The following OR2C3 variants were observed in gnomAD, a reference collection of about 807,000 sequenced individuals.
OR2C3 encodes olfactory receptor 2C3.
For synonymous variants in OR2C3, 178 were observed against 163.4 expected, an observed-to-expected ratio of 1.09 and a Z score of -0.68; for missense variants, 425 against 401.5, an observed-to-expected ratio of 1.06 and a Z score of -0.50.
At position 247,532,359 on chromosome 1, in the gene OR2C3, A is replaced by G. The variant is rs745756237; in HGVS notation, c.153T>C (p.His51=). Residue 51 remains histidine, a synonymous_variant, in exon 3 of 3, where the codon CAT becomes CAC. Transcript: ENST00000641802. ...LGNGIIILVS[H]TDVHLHTPMY... ...TAGGTGTGTGGAGGTGCACATCTGT[A>G]TGGGAGACCAGAATGATGATGCCAT... The G allele has an allele frequency of 1.2e-6, 2 of 1,614,032 alleles. No individual in the cohort carries two copies. Among genetic ancestry groups the G allele is most frequent in the South Asian group, 2.2e-5 (2 of 91,080 alleles).
chr1:247,531,648 T>G lies in OR2C3; in HGVS notation c.864A>C (p.Pro288=). The G allele has an allele frequency of 6.2e-7, 1 of 1,614,126 alleles. No homozygotes were observed. The highest frequency in any genetic ancestry group is 8.5e-7 in the Non-Finnish European group (1 of 1,180,028). ...FYTVVTPALN[P]LIYTLRNTEV... ...CCGTGTTCCTCAGGGTGTAAATAAG[T>G]GGGTTCAGCGCAGGAGTGACTACGG... Residue 288 remains proline, a synonymous_variant, in exon 3 of 3, where the codon CCA becomes CCC. Transcript: ENST00000641802.
chr1:247,533,850 G>C lies in OR2C3; in HGVS notation c.-373C>G, dbSNP rs1372391643. On this transcript the variant is annotated 5_prime_UTR_variant, in exon 2 of 3. Coordinates refer to ENST00000641802, the MANE Select transcript of OR2C3 (RefSeq NM_198074.6). ...GTCAGTTGATTTCTGTGAAATTTCA[G>C]AGGACAAAGGTGAAATTTTCCCTCA... 6.6e-6 allele frequency: 1 copy of C among 152,152 alleles called. No homozygotes were observed. Among genetic ancestry groups the C allele is most frequent in the Non-Finnish European group, 1.5e-5 (1 of 68,032 alleles). 9.4% of individuals were successfully genotyped at this position (152,152 alleles called of 1,614,324 possible).
Position 247,529,598 on chromosome 1 carries a change from T to C in OR2C3, c.*1951A>G, listed in dbSNP as rs1348920314. On this transcript the variant is annotated 3_prime_UTR_variant, in exon 3 of 3. Coordinates refer to ENST00000641802, the MANE Select transcript of OR2C3 (RefSeq NM_198074.6). ...GATGCATAATAATCCAGTTGAAGAA[T>C]GTTGCTTCACTTCACTGAAAGTTTG... 4 of 152,172 alleles carry C rather than the reference T, an allele frequency of 2.6e-5. No individual in the cohort carries two copies. Among genetic ancestry groups the C allele is most frequent in the African/African-American group, 9.7e-5 (4 of 41,434 alleles). The allele number at this position is 152,172 out of a possible 1,614,324, so 9.4% of individuals were successfully genotyped here.
In OR2C3 at chr1:247,529,675, CCA is replaced by C. The variant is rs1480740625; in HGVS notation, c.*1872_*1873del. The C allele has an allele frequency of 2.0e-5, 3 of 149,302 alleles. No homozygotes were observed. Among genetic ancestry groups the C allele is most frequent in the East Asian group, 2.0e-4 (1 of 5,104 alleles). 9.2% of individuals were successfully genotyped at this position (149,302 alleles called of 1,614,324 possible). ...TATCAACTTGGTTGGACTATGGTGC[CCA>C]GTTTTTGTTCAAACACAAGCCTCGG... On this transcript the variant is annotated 3_prime_UTR_variant, in exon 3 of 3. Transcript: ENST00000641802.
chr1:247,532,227 A>G lies in OR2C3; in HGVS notation c.285T>C (p.Tyr95=), dbSNP rs747171780. ...NLWGPQKTIS[Y]GGCVVQFYIS... is the part of the protein sequence containing the mutation. ...TATAGAACTGGACCACACACCCTCC[A>G]TAGCTTATGGTTTTCTGTGGTCCCC... The change falls in exon 3 of 3, where the codon TAT becomes TAC. Residue 95 remains tyrosine (Y), a synonymous_variant. Transcript: ENST00000641802. The G allele has an allele frequency of 1.2e-6, 2 of 1,614,196 alleles. No individual in the cohort carries two copies. Among genetic ancestry groups the G allele is most frequent in the Non-Finnish European group, 8.5e-7 (1 of 1,180,024 alleles).
chr1:247,527,278 G>T lies in OR2C3; in HGVS notation c.*4271C>A. ...AGTGCTGTCCTCATGGTTCTGGGAGGGTCTGCGTTGTCTGCTATCCCCACA... is the reference window on the plus strand; with the variant it reads ...AGTGCTGTCCTCATGGTTCTGGGAGTGTCTGCGTTGTCTGCTATCCCCACA... On this transcript the variant is annotated 3_prime_UTR_variant, in exon 3 of 3. Coordinates refer to ENST00000641802, the MANE Select transcript of OR2C3 (RefSeq NM_198074.6). The surrounding 1 kb of genome is among the most constrained non-coding windows in gnomAD (Gnocchi z 4.6). The T allele has an allele frequency of 3.1e-6, 1 of 321,108 alleles. No individual in the cohort carries two copies. Among genetic ancestry groups the T allele is most frequent in the East Asian group, 8.6e-5 (1 of 11,676 alleles). 19.9% of individuals were successfully genotyped at this position (321,108 alleles called of 1,614,324 possible).
intron 1 of OR2C3, among the ~76,000 whole-genome samples, chr1:247,534,765 T>C (rs1209982478): frequency 6.6e-6 from 1 of 152,166 alleles, no homozygotes; most frequent in Non-Finnish European, 1.5e-5. Flanking sequence ...TGGAAGTCAA[T>C]TAAACAAAAT....
chr1:247,532,268 G>A lies in OR2C3; in HGVS notation c.244C>T (p.Leu82Phe). The A allele has an allele frequency of 1.2e-6, 2 of 1,614,212 alleles. No individual in the cohort carries two copies. The change falls in exon 3 of 3, where the codon CTC becomes TTC. Residue 82 changes from leucine to phenylalanine, a missense_variant. Leu to Phe is a conservative substitution (Grantham distance 22, BLOSUM62 0). Transcript: ENST00000641802. ...MSFTTSIVPQ[L>F]LANLWGPQKT... Reference sequence around the variant, plus strand: ...TGTGGTCCCCAGAGGTTAGCCAGGAGCTGTGGGACAATGCTCGTGGTGAAG... The same window carrying A: ...TGTGGTCCCCAGAGGTTAGCCAGGAACTGTGGGACAATGCTCGTGGTGAAG...
Position 247,527,186 on chromosome 1 carries a change from G to A in OR2C3, c.*4363C>T, listed in dbSNP as rs1173913221. 2.4e-6 allele frequency: 1 copy of A among 410,792 alleles called. No homozygotes were observed. Among genetic ancestry groups the A allele is most frequent in the African/African-American group, 2.0e-5 (1 of 48,878 alleles). The allele number at this position is 410,792 out of a possible 1,614,324, so 25.4% of individuals were successfully genotyped here. On this transcript the variant is annotated 3_prime_UTR_variant, in exon 3 of 3. Coordinates refer to ENST00000641802, the MANE Select transcript of OR2C3 (RefSeq NM_198074.6). The surrounding 1 kb of genome is among the most constrained non-coding windows in gnomAD (Gnocchi z 4.6). ...GAGCATTTAAGGCAGTTGGAGGAGA[G>A]TGTGAGTTATGGTCATCATTCTCCT... is the stretch of plus-strand genomic sequence containing the variant.
rs986914125 is a variant in OR2C3, at chr1:247,530,390, G to A, written c.*1159C>T. The stretch of plus-strand genomic sequence containing the variant: ...TTAGATACACTGTATACATAGATAA[G>A]TAAAACAAAATGCACAATCATAAGA... On this transcript the variant is annotated 3_prime_UTR_variant, in exon 3 of 3. Transcript: ENST00000641802. 12 of 152,032 alleles carry A rather than the reference G, an allele frequency of 7.9e-5. No homozygotes were observed. Among genetic ancestry groups the A allele is most frequent in the East Asian group, 3.9e-4 (2 of 5,180 alleles). The allele number at this position is 152,032 out of a possible 1,614,324, so 9.4% of individuals were successfully genotyped here.
rs776246034 is a variant in OR2C3 at position 247,532,045 on chromosome 1, G to T, written c.467C>A (p.Thr156Asn). The change falls in exon 3 of 3, where the codon ACC (threonine) becomes AAC (asparagine). Residue 156 changes from threonine to asparagine, a missense_variant. By Grantham distance (65) the Thr-to-Asn change is moderately conservative. Transcript: ENST00000641802. ...ALASWLGGLT[T>N]SMVGSTLTML... ...GGTGAGCGTGGAGCCCACCATGCTGGTGGTCAGACCCCCCAGCCAGGAGGC... is the reference window on the plus strand; with the variant it reads ...GGTGAGCGTGGAGCCCACCATGCTGTTGGTCAGACCCCCCAGCCAGGAGGC... The T allele has an allele frequency of 6.2e-7, 1 of 1,614,096 alleles. No individual in the cohort carries two copies. Among genetic ancestry groups the T allele is most frequent in the South Asian group, 1.1e-5 (1 of 91,070 alleles).
In OR2C3 at chr1:247,531,572, C is replaced by T. The variant is rs1227626352; in HGVS notation, c.940G>A (p.Ala314Thr). ...HMVLENCCGSAGKLAQI is the reference protein window; with the variant it reads ...HMVLENCCGSTGKLAQI ...CTCTAAATTTGCGCCAGCTTGCCTG[C>T]AGAGCCACAGCAGTTCTCTAATACC... The change falls in exon 3 of 3, where the codon GCA becomes ACA. Residue 314 changes from alanine to threonine, a missense_variant. By Grantham distance (58) the Ala-to-Thr change is moderately conservative (BLOSUM62 0). Transcript: ENST00000641802. 2 of 1,613,784 alleles carry T rather than the reference C, an allele frequency of 1.2e-6. No individual in the cohort carries two copies. The highest frequency in any genetic ancestry group is 1.1e-5 in the South Asian group (1 of 91,068).
chr1:247,530,187 TAAAATC>T lies in OR2C3; in HGVS notation c.*1356_*1361del, dbSNP rs1666862734. 1 of 152,146 alleles carries T rather than the reference TAAAATC, an allele frequency of 6.6e-6. No individual in the cohort carries two copies. The highest frequency in any genetic ancestry group is 2.4e-5 in the African/African-American group (1 of 41,422). 9.4% of individuals were successfully genotyped at this position (152,146 alleles called of 1,614,324 possible). On this transcript the variant is annotated 3_prime_UTR_variant, in exon 3 of 3. Transcript: ENST00000641802. ...TTTCATATTATATACATATATATAA[TAAAATC>T]AAAAACAGGAACTGCCACATGGTTT...
Position 247,531,309 on chromosome 1 carries a change from C to G in OR2C3, c.*240G>C, listed in dbSNP as rs1213595600. On this transcript the variant is annotated 3_prime_UTR_variant, in exon 3 of 3. Transcript: ENST00000641802. ...GCAAGGAGTTTACAAAACAAGATGA[C>G]AGTCAACATGTGTATATATAGCAAA... 3 of 524,064 alleles carry G rather than the reference C, an allele frequency of 5.7e-6. No homozygotes were observed. In the East Asian group the frequency reaches 9.4e-5, roughly 16 times the overall value. The allele number at this position is 524,064 out of a possible 1,614,324, so 32.5% of individuals were successfully genotyped here.
In OR2C3 at chr1:247,529,852, C is replaced by A. The variant is rs1022508127; in HGVS notation, c.*1697G>T. On this transcript the variant is annotated 3_prime_UTR_variant, in exon 3 of 3. Coordinates refer to ENST00000641802, the MANE Select transcript of OR2C3 (RefSeq NM_198074.6). ...TGAAAGCCTTAAGAGAAAAGACTGA[C>A]CTGCTTCCAAAAAGAGGGAATTTTG... is the stretch of plus-strand genomic sequence containing the variant. 6.6e-6 allele frequency: 1 copy of A among 151,130 alleles called. No individual in the cohort carries two copies. The highest frequency in any genetic ancestry group is 2.4e-5 in the African/African-American group (1 of 41,018). 9.4% of individuals were successfully genotyped at this position (151,130 alleles called of 1,614,324 possible).
Position 247,531,787 on chromosome 1 carries a change from C to A in OR2C3, c.725G>T (p.Cys242Phe). The A allele has an allele frequency of 6.2e-7, 1 of 1,614,184 alleles. No homozygotes were observed. Among genetic ancestry groups the A allele is most frequent in the East Asian group, 2.2e-5 (1 of 44,884 alleles). Residue 242 changes from cysteine to phenylalanine, a missense_variant, in exon 3 of 3, where the codon TGT (cysteine) becomes TTT (phenylalanine). Transcript: ENST00000641802. ...AEGRRKAFNTCSSHVAVVSLF... is the reference protein window; with the variant it reads ...AEGRRKAFNTFSSHVAVVSLF... ...AGACACCACAGCCACGTGGGAAGAA[C>A]AGGTGTTGAATGCCTTTCTCCGCCC...
Position 247,536,351 on chromosome 1 carries a change from C to G in OR2C3, c.-585G>C, listed in dbSNP as rs1193992772. On this transcript the variant is annotated 5_prime_UTR_variant, in exon 1 of 3. Coordinates refer to ENST00000641802, the MANE Select transcript of OR2C3 (RefSeq NM_198074.6). ...GTGGAAATCTCTAAGTCGGTGGTAG[C>G]AGACGTGTTAGATTCTGTTCAAATT... 6.6e-6 allele frequency: 1 copy of G among 152,148 alleles called. No individual in the cohort carries two copies. Among genetic ancestry groups the G allele is most frequent in the African/African-American group, 2.4e-5 (1 of 41,420 alleles). The allele number at this position is 152,148 out of a possible 1,614,324, so 9.4% of individuals were successfully genotyped here. A position where few individuals can be genotyped will look rare whatever the true frequency, so the allele number is the denominator to read the frequency against.
intron 2 of OR2C3, 59 bp downstream of exon 2, chr1:247,533,448 C>CT (rs1207823297): frequency 6.6e-6 from 1 of 152,194 alleles, no homozygotes; most frequent in East Asian, 1.9e-4. Context: ...AAATGTTACT[C>CT]TAACTTTCCC....
At position 247,525,558 on chromosome 1, in the gene OR2C3, G is replaced by A. The variant is rs571543413; in HGVS notation, c.*5991C>T. On this transcript the variant is annotated 3_prime_UTR_variant, in exon 3 of 3. Transcript: ENST00000641802. ...GAGATGCAGATGAAGAGATGCATAG[G>A]GTGAGGTATAGGGAAAGGCTGTGGA... 1.6e-4 allele frequency: 24 copies of A among 152,350 alleles called. No individual in the cohort carries two copies. Among genetic ancestry groups the A allele is most frequent in the African/African-American group, 5.8e-4 (24 of 41,558 alleles). 9.4% of individuals were successfully genotyped at this position (152,350 alleles called of 1,614,324 possible). A position where few individuals can be genotyped will look rare whatever the true frequency, so the allele number is the denominator to read the frequency against.
Sources: gnomAD v4.1 joint callset for allele counts (sites outside exome capture counted in the v4.1 genomes callset) on GRCh38, gnomAD v4.1.1 for gene constraint, Gnocchi (gnomAD v3.1) non-coding constraint, MANE v1.5 for transcripts, NCBI Gene and HGNC (gene_info 2026-07-23, HGNC 2026-07-21) for gene names.